The following ADCK1 variants were observed in gnomAD, a reference collection of about 807,000 sequenced individuals.
ADCK1 encodes the protein aarF domain containing kinase 1.
In ADCK1, 41 loss-of-function variants were observed where a neutral mutation model predicts 52.3. The observed-to-expected ratio is 0.78, with a 90% CI of 0.61 to 1.02. ADCK1 has a LOEUF of 1.02. Among genes scored for constraint, ADCK1 ranks in the 50% least tolerant of loss-of-function variants. ADCK1 has a pLI of 0.00. For missense variants in ADCK1, 658 were observed against 679.5 expected (o/e 0.97, Z 0.35); for synonymous variants, 250 against 274.6 (o/e 0.91, Z 0.89).
chr14:77,859,128 G>A lies in ADCK1; in HGVS notation c.272G>A (p.Gly91Asp), dbSNP rs532827034. Residue 91 changes from glycine to aspartate, a missense_variant, in exon 4 of 11, where the codon GGC becomes GAC. Gly to Asp is a moderately conservative substitution (Grantham distance 94). Transcript: ENST00000238561. ...TGTGAGCTCTGCTGTGCCAACCGGG[G>A]CACCTTCATCAAGGTGGGCCAGCAC... Reference protein sequence around the residue: ...RLCELCCANRGTFIKVGQHLG... With the variant: ...RLCELCCANRDTFIKVGQHLG... The A allele has an allele frequency of 1.9e-6, 3 of 1,613,166 alleles. No homozygotes were observed. Among genetic ancestry groups the A allele is most frequent in the East Asian group, 4.5e-5 (2 of 44,882 alleles).
chr14:77,894,736 G>GTTTTTTTTTTTTTT lies in ADCK1; in HGVS notation c.583-4349_583-4336dup. 9.6e-3 allele frequency among the ~76,000 whole-genome samples: 351 copies of GTTTTTTTTTTTTTT among 36,458 alleles called. 64 individuals carry two copies. Among genetic ancestry groups the GTTTTTTTTTTTTTT allele is most frequent in the Non-Finnish European group, 0.016 (266 of 16,918 alleles). The allele number at this position is 36,458 out of a possible 152,430, so 23.9% of individuals were successfully genotyped here. ...TTATTTCTTTTTCTTTTCTTTTCTT[G>GTTTTTTTTTTTTTT]TTTTTTTTTTTTTTTTTTTTTTTTT... On this transcript the variant is annotated intron_variant, in intron 5 of 10. Transcript: ENST00000238561.
At chr14:77,858,933 T>TGTGTGTGC in intron 3 of ADCK1, 143 bp from the exon 4 acceptor site, 1 of 688,150 alleles carries the variant, frequency 1.5e-6, no homozygotes, top group Non-Finnish European at 2.4e-6. Context: ...AAAAGGTGTG[T>TGTGTGTGC]GTGTGTGCGT....
Position 77,806,085 on chromosome 14 carries a change from C to T in ADCK1, c.-12+5915C>T, listed in dbSNP as rs536766926. Among the ~76,000 whole-genome samples, 11 of 139,200 alleles carry T rather than the reference C, an allele frequency of 7.9e-5. No individual in the cohort carries two copies. The East Asian group carries it at 1.1e-3, about 14-fold the overall frequency. 91.3% of individuals were successfully genotyped at this position (139,200 alleles called of 152,430 possible). The stretch of plus-strand genomic sequence containing the variant: ...CAGCACTCTGGGAGGCTGAGGTGGG[C>T]GGATTGCTCGAGGTCAGGAGTTTGA... On this transcript the variant is annotated intron_variant, in intron 1 of 10. Transcript: ENST00000238561.
chr14:77,886,946 AAC>A (rs754135364), intron 4 of ADCK1, 143 bp from the exon 5 acceptor site: 2,869 of 643,164 alleles, frequency 4.5e-3, no homozygotes, highest in South Asian at 7.3e-3. Flanking sequence ...ACACACGCAC[AAC>A]ACACACACAC....
rs11311915 is a variant in ADCK1 at position 77,825,640 on chromosome 14, G to GTTT, written c.219+3137_219+3139dup. Among the ~76,000 whole-genome samples the GTTT allele has an allele frequency of 4.0e-3, 554 of 137,400 alleles. 8 individuals carry two copies. Among genetic ancestry groups the GTTT allele is most frequent in the African/African-American group, 0.012 (430 of 36,688 alleles). 90.1% of individuals were successfully genotyped at this position (137,400 alleles called of 152,430 possible). A position where few individuals can be genotyped will look rare whatever the true frequency, so the allele number is the denominator to read the frequency against. ...AACGAACGAGTGAATGAAATGTTAG[G>GTTT]TTTTTTTTTTTTTTTTTGAGACGGA... On this transcript the variant is annotated intron_variant, in intron 3 of 10. Coordinates refer to ENST00000238561, the MANE Select transcript of ADCK1 (RefSeq NM_020421.4).
chr14:77,872,315 A>G (rs1481826381), intron 4 of ADCK1, among the ~76,000 whole-genome samples: 1 of 152,134 alleles, frequency 6.6e-6, no homozygotes, highest in Non-Finnish European at 1.5e-5. Flanking sequence ...GACTCCAGAG[A>G]CACACACTTC....
intron 4 of ADCK1, among the ~76,000 whole-genome samples, chr14:77,866,927 G>A (rs777271586): frequency 7.2e-5 from 11 of 152,284 alleles, no homozygotes; most frequent in African/African-American, 9.6e-5. Flanking sequence ...TGCAGCCCCC[G>A]CAGGGGAGAG....
chr14:77,904,635 C>G lies in ADCK1; in HGVS notation c.742-3168C>G, dbSNP rs368456577. On this transcript the variant is annotated intron_variant, in intron 6 of 10. Coordinates refer to ENST00000238561, the MANE Select transcript of ADCK1 (RefSeq NM_020421.4). The stretch of plus-strand genomic sequence containing the variant: ...CCCAGGGTCTTGGGCTAAAACTTCT[C>G]TAATTGGTGCCCTCCTTCTTGGGGT... 5.3e-4 allele frequency among the ~76,000 whole-genome samples: 81 copies of G among 152,352 alleles called. No individual in the cohort carries two copies. In the South Asian group the frequency reaches 0.015, roughly 29 times the overall value.
At chr14:77,880,510 T>C (rs874024) in intron 4 of ADCK1, among the ~76,000 whole-genome samples, 4,990 of 152,314 alleles carry the variant, frequency 0.033, 149 homozygotes, top group South Asian at 0.12. Context: ...ATTGCCATTA[T>C]TATTTTTATT....
chr14:77,885,951 C>T (rs562346907), intron 4 of ADCK1, among the ~76,000 whole-genome samples: 4 of 152,028 alleles, frequency 2.6e-5, no homozygotes, highest in African/African-American at 9.7e-5. Context: ...TTATTTCCTT[C>T]AGGAATATTG....
chr14:77,929,979 G>A (rs1291212996), intron 9 of ADCK1, among the ~76,000 whole-genome samples: 3 of 152,158 alleles, frequency 2.0e-5, no homozygotes, highest in Non-Finnish European at 2.9e-5. Flanking sequence ...GGAGATTGGG[G>A]TGAAGACTTA....
rs1353216176 is a variant in ADCK1 at position 77,886,939 on chromosome 14, CACGCACA to C, written c.424-149_424-143del. 8.2e-3 allele frequency: 4,865 copies of C among 591,500 alleles called. 181 individuals are homozygous for C. The African/African-American group carries it at 0.11, about 14-fold the overall frequency. 36.6% of individuals were successfully genotyped at this position (591,500 alleles called of 1,614,324 possible). On this transcript the variant is annotated intron_variant, in intron 4 of 10. Transcript: ENST00000238561. ...ACACACACACACACACACACACACA[CACGCACA>C]ACACACACACACACTCTCTCTCTCT...
chr14:77,898,254 A>G (rs1298118452), intron 5 of ADCK1, among the ~76,000 whole-genome samples: 1 of 152,204 alleles, frequency 6.6e-6, no homozygotes, highest in Non-Finnish European at 1.5e-5. Flanking sequence ...ACAGAGTGAC[A>G]TCTTGTCTAA....
intron 5 of ADCK1, among the ~76,000 whole-genome samples, chr14:77,894,323 C>T (rs1298880233): frequency 1.3e-5 from 2 of 152,120 alleles, no homozygotes; most frequent in African/African-American, 2.4e-5. Context: ...CAGTTTGGAT[C>T]GGTACAGGCA....
Position 77,886,946 on chromosome 14 carries a change from A to AAC in ADCK1, c.424-132_424-131dup, listed in dbSNP as rs754135364. 7.6e-3 allele frequency: 4,935 copies of AAC among 652,106 alleles called. 12 individuals are homozygous for AAC. Among genetic ancestry groups the AAC allele is most frequent in the South Asian group, 0.017 (524 of 30,162 alleles). The allele number at this position is 652,106 out of a possible 1,614,324, so 40.4% of individuals were successfully genotyped here. ...CACACACACACACACACACACGCACAACACACACACACACTCTCTCTCTCT... is the reference window on the plus strand; with the variant it reads ...CACACACACACACACACACACGCACAACACACACACACACACTCTCTCTCTCT... On this transcript the variant is annotated intron_variant, in intron 4 of 10. Coordinates refer to ENST00000238561, the MANE Select transcript of ADCK1 (RefSeq NM_020421.4).
At chr14:77,802,489 C>T (rs961007966) in intron 1 of ADCK1, among the ~76,000 whole-genome samples, 1 of 151,830 alleles carries the variant, frequency 6.6e-6, no homozygotes, top group South Asian at 2.1e-4. Context: ...GTTGCTCTGT[C>T]GCCCAGGCTG....
At chr14:77,800,377 G>A (rs887597582) in intron 1 of ADCK1, among the ~76,000 whole-genome samples, 2 of 152,258 alleles carry the variant, frequency 1.3e-5, no homozygotes, top group African/African-American at 4.8e-5. Context: ...TGGCTCGGGT[G>A]ACTCGCATTG....
At chr14:77,866,644 G>A (rs888204242) in intron 4 of ADCK1, among the ~76,000 whole-genome samples, 2 of 152,194 alleles carry the variant, frequency 1.3e-5, no homozygotes, top group African/African-American at 4.8e-5. Context: ...GTGAGAGGAG[G>A]TGGAAGTCTG....
At chr14:77,901,926 A>G (rs1412176569) in intron 6 of ADCK1, among the ~76,000 whole-genome samples, 1 of 152,092 alleles carries the variant, frequency 6.6e-6, no homozygotes, top group African/African-American at 2.4e-5. Context: ...CTTCTTTACC[A>G]GGCCTGGAGA....
Sources: gnomAD v4.1 joint callset for allele counts (sites outside exome capture counted in the v4.1 genomes callset) on GRCh38, gnomAD v4.1.1 for gene constraint, MANE v1.5 for transcripts, NCBI Gene and HGNC (gene_info 2026-07-23, HGNC 2026-07-21) for gene names.